The following STAT4 variants were observed in gnomAD, a reference collection of about 807,000 sequenced individuals.
The protein encoded by STAT4 is signal transducer and activator of transcription 4.
STAT4 carries 42 observed loss-of-function variants against 110.5 expected under a neutral mutation model. That is an observed-to-expected ratio of 0.38 (90% CI 0.30 to 0.49). STAT4 has a LOEUF of 0.49. Among genes scored for constraint, STAT4 ranks in the 20% least tolerant of loss-of-function variants. STAT4 has a pLI of 0.95. For synonymous variants in STAT4, 284 were observed against 302.2 expected, an observed-to-expected ratio of 0.94 and a Z score of 0.63; for missense variants, 632 against 887.9, an observed-to-expected ratio of 0.71 and a Z score of 3.66.
rs570280146 is a variant in STAT4, at chr2:191,130,469, G to C, written c.273+16144C>G. Among the ~76,000 whole-genome samples the C allele has an allele frequency of 4.9e-3, 742 of 151,610 alleles. 21 individuals are homozygous for C. Among genetic ancestry groups the C allele is most frequent in the African/African-American group, 0.018 (721 of 41,048 alleles). ...GATCTCCTGACCTCGTGATCCGCCC[G>C]CCTCGGCCTCCCAAAGTGCTGGGAT... On this transcript the variant is annotated intron_variant, in intron 3 of 23. Transcript: ENST00000392320.
In STAT4 at chr2:191,110,143, T is replaced by C. The variant is rs1698386240; in HGVS notation, c.274-33818A>G. Among the ~76,000 whole-genome samples, 1 of 152,212 alleles carries C rather than the reference T, an allele frequency of 6.6e-6. No individual in the cohort carries two copies. The highest frequency in any genetic ancestry group is 1.5e-5 in the Non-Finnish European group (1 of 68,028). ...AACCACTTGAGGAAACACTACTTCA[T>C]GTCCCTATGGAAACATGACCACAAA... On this transcript the variant is annotated intron_variant, in intron 3 of 23. Transcript: ENST00000392320. This position sits in a 1 kb window ranked among gnomAD's most constrained non-coding sequence, Gnocchi z 4.5.
rs1470464242 is a variant in STAT4 at position 191,107,383 on chromosome 2, A to T, written c.274-31058T>A. Among the ~76,000 whole-genome samples, 1 of 152,172 alleles carries T rather than the reference A, an allele frequency of 6.6e-6. No individual in the cohort carries two copies. The highest frequency in any genetic ancestry group is 1.9e-4 in the East Asian group (1 of 5,196). ...AATAATATTTATTGAGCACTTTCTG[A>T]GTGTCAGGCACCACACTAAGCCCTT... On this transcript the variant is annotated intron_variant, in intron 3 of 23. Coordinates refer to ENST00000392320, the MANE Select transcript of STAT4 (RefSeq NM_003151.4). The surrounding 1 kb of genome is among the most constrained non-coding windows in gnomAD (Gnocchi z 4.2).
Position 191,116,267 on chromosome 2 carries a change from C to T in STAT4, c.273+30346G>A, listed in dbSNP as rs17769077. 9.0e-3 allele frequency among the ~76,000 whole-genome samples: 1,372 copies of T among 152,272 alleles called. 14 individuals carry two copies. The highest frequency in any genetic ancestry group is 0.014 in the Non-Finnish European group (973 of 68,010). On this transcript the variant is annotated intron_variant, in intron 3 of 23. Transcript: ENST00000392320. This position sits in a 1 kb window ranked among gnomAD's most constrained non-coding sequence, Gnocchi z 4.1. ...ATACAGTGCTTTTACACCTATGATA[C>T]GACACCACCTTCTCTGCAGAATCAT...
At chr2:191,067,495 A>T (rs1421789711) in intron 6 of STAT4, among the ~76,000 whole-genome samples, 4 of 152,144 alleles carry the variant, frequency 2.6e-5, no homozygotes, top group Non-Finnish European at 5.9e-5. Context: ...CTTCGTCCCA[A>T]ACCGTTGTTT....
chr2:191,095,933 G>A (rs548442585), intron 3 of STAT4, among the ~76,000 whole-genome samples: 2 of 151,958 alleles, frequency 1.3e-5, no homozygotes, highest in South Asian at 4.2e-4. Context: ...ATGATAAAGG[G>A]GATATCACCA....
Position 191,107,804 on chromosome 2 carries a change from A to G in STAT4, c.274-31479T>C, listed in dbSNP as rs1698321368. Among the ~76,000 whole-genome samples the G allele has an allele frequency of 6.6e-6, 1 of 152,184 alleles. No individual in the cohort carries two copies. The highest frequency in any genetic ancestry group is 2.4e-5 in the African/African-American group (1 of 41,438). On this transcript the variant is annotated intron_variant, in intron 3 of 23. Coordinates refer to ENST00000392320, the MANE Select transcript of STAT4 (RefSeq NM_003151.4). This position sits in a 1 kb window ranked among gnomAD's most constrained non-coding sequence, Gnocchi z 4.2. Reference sequence around the variant, plus strand: ...GTATGGTCACAGGAAGAGAATCTCGATGATAGTTTTAGTTTTTCAGCAAGT... The same window carrying G: ...GTATGGTCACAGGAAGAGAATCTCGGTGATAGTTTTAGTTTTTCAGCAAGT...
At chr2:191,057,526 T>C (rs1194548511) in intron 13 of STAT4, among the ~76,000 whole-genome samples, 1 of 152,184 alleles carries the variant, frequency 6.6e-6, no homozygotes, top group Non-Finnish European at 1.5e-5. Context: ...TTCTACCATT[T>C]TAATTCTTCA....
intron 3 of STAT4, among the ~76,000 whole-genome samples, chr2:191,096,212 C>A (rs748052701): frequency 5.9e-5 from 9 of 152,216 alleles, no homozygotes; most frequent in Non-Finnish European, 1.3e-4. Flanking sequence ...TGGTACCATT[C>A]CTTCTGAAAC....
At position 191,058,757 on chromosome 2, in the gene STAT4, T is replaced by A. The variant is rs1696771636; in HGVS notation, c.1047A>T (p.Lys349Asn). The A allele has an allele frequency of 6.3e-7, 1 of 1,586,244 alleles. No homozygotes were observed. Among genetic ancestry groups the A allele is most frequent in the Non-Finnish European group, 8.6e-7 (1 of 1,163,144 alleles). The change falls in exon 11 of 24, where the codon AAA becomes AAT. Residue 349 changes from lysine (K) to asparagine (N), a missense_variant. By Grantham distance (94) the Lys-to-Asn change is moderately conservative. Around this residue, in one of 4 missense-constraint regions of STAT4, gnomAD observed 488 missense variants for 632.8 expected, o/e 0.77. Coordinates refer to ENST00000392320, the MANE Select transcript of STAT4 (RefSeq NM_003151.4). The surrounding 1 kb of genome is among the most constrained non-coding windows in gnomAD (Gnocchi z 4.3). ...QFTVKLRLLI[K>N]LPELNYQVKV... The stretch of plus-strand genomic sequence containing the variant: ...TTACCTGATAGTTTAGTTCTGGCAA[T>A]TTTATTAGTAGCCTGGAAAGAGATA...
At chr2:191,119,886 A>G (rs1372920498) in intron 3 of STAT4, among the ~76,000 whole-genome samples, 1 of 152,212 alleles carries the variant, frequency 6.6e-6, no homozygotes, top group Non-Finnish European at 1.5e-5. Flanking sequence ...CAAAAACACC[A>G]CTGCAGTGCA....
Position 191,033,794 on chromosome 2 carries a change from C to T in STAT4, c.1715+117G>A. On this transcript the variant is annotated intron_variant, in intron 19 of 23. Transcript: ENST00000392320. The surrounding 1 kb of genome is among the most constrained non-coding windows in gnomAD (Gnocchi z 6.9). ...CCACTCCACAAAGAATAAGAAATTGCAACTATTTTTTTCTGTGGTACTAAA... is the reference window on the plus strand; with the variant it reads ...CCACTCCACAAAGAATAAGAAATTGTAACTATTTTTTTCTGTGGTACTAAA... 7.5e-7 allele frequency: 1 copy of T among 1,332,768 alleles called. No homozygotes were observed. Among genetic ancestry groups the T allele is most frequent in the East Asian group, 2.3e-5 (1 of 42,702 alleles). The allele number at this position is 1,332,768 out of a possible 1,614,324, so 82.6% of individuals were successfully genotyped here. A position where few individuals can be genotyped will look rare whatever the true frequency, so the allele number is the denominator to read the frequency against.
chr2:191,031,580 A>T lies in STAT4; in HGVS notation c.2045-64T>A. The stretch of plus-strand genomic sequence containing the variant: ...TCAATATTATCAATAAAACTGGGGA[A>T]AAAAGAGTCTAGAAAAATATTAACA... On this transcript the variant is annotated intron_variant, in intron 21 of 23. Coordinates refer to ENST00000392320, the MANE Select transcript of STAT4 (RefSeq NM_003151.4). The surrounding 1 kb of genome is among the most constrained non-coding windows in gnomAD (Gnocchi z 4.8). 1 of 1,342,580 alleles carries T rather than the reference A, an allele frequency of 7.4e-7. No homozygotes were observed. The allele number at this position is 1,342,580 out of a possible 1,614,324, so 83.2% of individuals were successfully genotyped here.
rs1031056424 is a variant in STAT4 at position 191,099,583 on chromosome 2, C to A, written c.274-23258G>T. Among the ~76,000 whole-genome samples the A allele has an allele frequency of 4.6e-5, 7 of 151,972 alleles. No individual in the cohort carries two copies. The highest frequency in any genetic ancestry group is 1.7e-4 in the African/African-American group (7 of 41,372). On this transcript the variant is annotated intron_variant, in intron 3 of 23. Coordinates refer to ENST00000392320, the MANE Select transcript of STAT4 (RefSeq NM_003151.4). This position sits in a 1 kb window ranked among gnomAD's most constrained non-coding sequence, Gnocchi z 4.1. ...AATAAAATTTCATTTTTGTAAATGA[C>A]AAAATATTTCATCATTTACAAAATT... is the stretch of plus-strand genomic sequence containing the variant.
At chr2:191,149,852 C>G (rs1450090193) in intron 1 of STAT4, among the ~76,000 whole-genome samples, 1 of 151,966 alleles carries the variant, frequency 6.6e-6, no homozygotes, top group Non-Finnish European at 1.5e-5. Context: ...ATTGTTAAAC[C>G]CCCGCTATGA....
chr2:191,064,680 G>T, intron 8 of STAT4, 127 bp downstream of exon 8: 1 of 1,153,128 alleles, frequency 8.7e-7, no homozygotes, highest in Non-Finnish European at 1.2e-6. Flanking sequence ...TTTCTCAGCT[G>T]CTAATAAGCC....
rs1202255229 is a variant in STAT4 at position 191,110,746 on chromosome 2, C to A, written c.274-34421G>T. ...ATCACTGAGTTTCTAAAATTTATAG[C>A]ACTACATTGAATTATATTTTATTTT... On this transcript the variant is annotated intron_variant, in intron 3 of 23. Coordinates refer to ENST00000392320, the MANE Select transcript of STAT4 (RefSeq NM_003151.4). This position sits in a 1 kb window ranked among gnomAD's most constrained non-coding sequence, Gnocchi z 4.5. Among the ~76,000 whole-genome samples, 1 of 152,060 alleles carries A rather than the reference C, an allele frequency of 6.6e-6. No homozygotes were observed. Among genetic ancestry groups the A allele is most frequent in the Non-Finnish European group, 1.5e-5 (1 of 67,994 alleles).
rs1698312801 is a variant in STAT4 at position 191,107,467 on chromosome 2, C to CTA, written c.274-31144_274-31143dup. Among the ~76,000 whole-genome samples the CTA allele has an allele frequency of 6.6e-6, 1 of 152,162 alleles. No individual in the cohort carries two copies. Among genetic ancestry groups the CTA allele is most frequent in the South Asian group, 2.1e-4 (1 of 4,826 alleles). ...TATAGTAATGGGCATAATACTATTA[C>CTA]TATCCCCATTTTACACAGAAGATAA... On this transcript the variant is annotated intron_variant, in intron 3 of 23. Transcript: ENST00000392320. The surrounding 1 kb of genome is among the most constrained non-coding windows in gnomAD (Gnocchi z 4.2).
chr2:191,127,889 G>T (rs1194509055), intron 3 of STAT4, among the ~76,000 whole-genome samples: 6 of 152,172 alleles, frequency 3.9e-5, no homozygotes, highest in Non-Finnish European at 8.8e-5. Flanking sequence ...GATCAACCTA[G>T]GATAAAATAA....
rs1477361387 is a variant in STAT4, at chr2:191,046,619, C to T, written c.1252-5471G>A. On this transcript the variant is annotated intron_variant, in intron 14 of 23. Transcript: ENST00000392320. This position sits in a 1 kb window ranked among gnomAD's most constrained non-coding sequence, Gnocchi z 4.6. ...CAGAAGACTTTCTTTGTAGGGAGGA[C>T]TGCAGCTGGAGGATGGTTGAAGGAA... is the stretch of plus-strand genomic sequence containing the variant. Among the ~76,000 whole-genome samples, 1 of 152,112 alleles carries T rather than the reference C, an allele frequency of 6.6e-6. No individual in the cohort carries two copies. Among genetic ancestry groups the T allele is most frequent in the Non-Finnish European group, 1.5e-5 (1 of 68,016 alleles).
Sources: allele counts gnomAD v4.1 joint callset (sites outside exome capture counted in the v4.1 genomes callset), GRCh38; gene constraint gnomAD v4.1.1; regional missense constraint gnomAD v4.1.1; non-coding constraint Gnocchi (gnomAD v3.1); transcripts MANE v1.5; gene names NCBI Gene and HGNC (gene_info 2026-07-23, HGNC 2026-07-21).